The following SLC23A2 variants were observed in gnomAD, a reference collection of about 807,000 sequenced individuals.
SLC23A2 encodes the protein solute carrier family 23 member 2, also known as Na(+)/L-ascorbic acid transporter 2.
SLC23A2 carries 36 observed loss-of-function variants against 73.3 expected under a neutral mutation model. That is an observed-to-expected ratio of 0.49 (90% CI 0.38 to 0.65). SLC23A2 has a LOEUF of 0.65. Among genes scored for constraint, SLC23A2 ranks in the 30% least tolerant of loss-of-function variants. The pLI is 0.00. For missense variants in SLC23A2, 507 were observed against 841.6 expected, an observed-to-expected ratio of 0.60 and a Z score of 4.92; for synonymous variants, 343 against 327.3, an observed-to-expected ratio of 1.05 and a Z score of -0.52.
intron 3 of SLC23A2, among the ~76,000 whole-genome samples, chr20:4,919,562 GCTC>G (rs1932436378): frequency 6.6e-6 from 1 of 152,198 alleles, no homozygotes; most frequent in Admixed American, 6.5e-5. Context: ...TGCAGTGTGT[GCTC>G]CTCCCACACC....
intron 9 of SLC23A2, among the ~76,000 whole-genome samples, chr20:4,879,065 G>C (rs1165815886): frequency 6.6e-6 from 1 of 152,164 alleles, no homozygotes; most frequent in Non-Finnish European, 1.5e-5. Context: ...GGACTGATTT[G>C]AGTCTTTCAT....
At chr20:4,924,668 C>A (rs909051215) in intron 3 of SLC23A2, among the ~76,000 whole-genome samples, 1 of 152,216 alleles carries the variant, frequency 6.6e-6, no homozygotes, top group African/African-American at 2.4e-5. Context: ...ACACCAGGCA[C>A]CCCCCTGCTG....
intron 1 of SLC23A2, among the ~76,000 whole-genome samples, chr20:5,009,321 G>A (rs2088223967): frequency 6.6e-6 from 1 of 152,046 alleles, no homozygotes; most frequent in Admixed American, 6.6e-5. Context: ...GCTCCTCAAG[G>A]CCATCACATT....
At chr20:4,870,624 G>A (rs1930410692) in intron 11 of SLC23A2, among the ~76,000 whole-genome samples, 1 of 151,986 alleles carries the variant, frequency 6.6e-6, no homozygotes, top group African/African-American at 2.4e-5. Context: ...GGCTGGAAGA[G>A]GCTGTAACTT....
rs200509121 is a variant in SLC23A2 at position 4,953,476 on chromosome 20, G to GT, written c.-155+17316dup. ...TAACTATGACAATTAGAGAAACGAG[G>GT]TTTTTTTTTATGTTTTTCACTTAAA... On this transcript the variant is annotated intron_variant, in intron 2 of 16. Coordinates refer to ENST00000338244, the MANE Select transcript of SLC23A2 (RefSeq NM_005116.6). Among the ~76,000 whole-genome samples, 807 of 151,384 alleles carry GT rather than the reference G, an allele frequency of 5.3e-3. 4 individuals carry two copies. The highest frequency in any genetic ancestry group is 7.9e-3 in the Non-Finnish European group (538 of 67,786).
intron 6 of SLC23A2, among the ~76,000 whole-genome samples, chr20:4,895,326 T>C (rs1435645441): frequency 6.6e-6 from 1 of 152,140 alleles, no homozygotes; most frequent in Non-Finnish European, 1.5e-5. Context: ...TGCATCTGCC[T>C]TTCCTCTCCA....
At position 4,982,371 on chromosome 20, in the gene SLC23A2, C is replaced by T. The variant is rs77178205; in HGVS notation, c.-281-11452G>A. Among the ~76,000 whole-genome samples, 895 of 152,276 alleles carry T rather than the reference C, an allele frequency of 5.9e-3. 7 individuals carry two copies. Among genetic ancestry groups the T allele is most frequent in the African/African-American group, 0.02 (835 of 41,542 alleles). The stretch of plus-strand genomic sequence containing the variant: ...GAAGAAATTATCATAATGTACTGCT[C>T]CTTATGCAGATAAACATTGTCTCAA... On this transcript the variant is annotated intron_variant, in intron 1 of 16. Coordinates refer to ENST00000338244, the MANE Select transcript of SLC23A2 (RefSeq NM_005116.6).
chr20:4,968,582 G>C (rs1464205242), intron 2 of SLC23A2, among the ~76,000 whole-genome samples: 1 of 152,158 alleles, frequency 6.6e-6, no homozygotes, highest in East Asian at 1.9e-4. Flanking sequence ...GAGAAAAATG[G>C]ATGAACTAAG....
intron 13 of SLC23A2, among the ~76,000 whole-genome samples, chr20:4,864,058 G>A (rs1930093373): frequency 6.6e-6 from 1 of 152,152 alleles, no homozygotes; most frequent in Admixed American, 6.5e-5. Flanking sequence ...CTGGCATCAG[G>A]CTCAGGAATC....
At chr20:4,955,731 G>C (rs1600170187) in intron 2 of SLC23A2, among the ~76,000 whole-genome samples, 1 of 152,204 alleles carries the variant, frequency 6.6e-6, no homozygotes, top group East Asian at 1.9e-4. Flanking sequence ...CGAGGCTGTA[G>C]TGAACAGAGA....
Position 5,006,547 on chromosome 20 carries a change from T to TTTTATTTATTTATTTATTTA in SLC23A2, c.-282+3615_-282+3634dup, listed in dbSNP as rs78731557. ...GGCAAATGTTCATCTGTAAAAGCCA[T>TTTTATTTATTTATTTATTTA]TTTATTTATTTATTTATTTATTTAT... On this transcript the variant is annotated intron_variant, in intron 1 of 16. Coordinates refer to the SLC23A2 transcript ENST00000379333. Among the ~76,000 whole-genome samples, 159 of 147,628 alleles carry TTTTATTTATTTATTTATTTA rather than the reference T, an allele frequency of 1.1e-3. 2 individuals are homozygous for TTTTATTTATTTATTTATTTA. Among genetic ancestry groups the TTTTATTTATTTATTTATTTA allele is most frequent in the South Asian group, 0.01 (46 of 4,568 alleles).
intron 11 of SLC23A2, among the ~76,000 whole-genome samples, chr20:4,873,655 G>A (rs1930539200): frequency 6.6e-6 from 1 of 152,172 alleles, no homozygotes; most frequent in Non-Finnish European, 1.5e-5. Flanking sequence ...CTGGCCACCA[G>A]AGCTTAAACC....
intron 1 of SLC23A2, among the ~76,000 whole-genome samples, chr20:4,992,908 AATCCAAAATTTGAAAGG>A (rs1371172883): frequency 1.3e-5 from 2 of 152,124 alleles, no homozygotes; most frequent in Non-Finnish European, 2.9e-5. Context: ...CTAATTCAAA[AATCCAAAATTTGAAAGG>A]ATCCAAAATT....
intron 2 of SLC23A2, among the ~76,000 whole-genome samples, chr20:4,963,864 C>A (rs6139588): frequency 0.4 from 60,949 of 151,788 alleles, 12,532 homozygotes; most frequent in Admixed American, 0.48. Context: ...AGCAAAAAAT[C>A]AAAAAGGCAG....
chr20:4,933,277 A>G (rs920012043), intron 2 of SLC23A2, among the ~76,000 whole-genome samples: 3 of 152,166 alleles, frequency 2.0e-5, no homozygotes, highest in Non-Finnish European at 2.9e-5. Flanking sequence ...CATGTGCCCA[A>G]TTAAAAGCAG....
chr20:4,960,607 G>GCA (rs562002978), intron 2 of SLC23A2, among the ~76,000 whole-genome samples: 3 of 152,196 alleles, frequency 2.0e-5, no homozygotes, highest in African/African-American at 2.4e-5. Flanking sequence ...ACGCGCACAC[G>GCA]CACACACACA....
chr20:4,858,488 T>G (rs1221421040), intron 16 of SLC23A2, among the ~76,000 whole-genome samples: 1 of 152,320 alleles, frequency 6.6e-6, no homozygotes, highest in East Asian at 1.9e-4. Flanking sequence ...GTGTGTGTGA[T>G]TCCTTCTGCC....
intron 3 of SLC23A2, among the ~76,000 whole-genome samples, chr20:4,913,403 G>A (rs966007413): frequency 2.0e-5 from 3 of 152,132 alleles, no homozygotes; most frequent in Non-Finnish European, 4.4e-5. Context: ...CAGCCCACTG[G>A]AGAACACTCC....
At chr20:4,949,151 G>C (rs1394983808) in intron 2 of SLC23A2, among the ~76,000 whole-genome samples, 2 of 151,940 alleles carry the variant, frequency 1.3e-5, no homozygotes, top group Non-Finnish European at 1.5e-5. Flanking sequence ...AGCCAGGCGT[G>C]GTGGCAGGCA....
Sources: gnomAD v4.1 joint callset for allele counts (sites outside exome capture counted in the v4.1 genomes callset) on GRCh38, gnomAD v4.1.1 for gene constraint, MANE v1.5 for transcripts, NCBI Gene and HGNC (gene_info 2026-07-23, HGNC 2026-07-21) for gene names.